The following EED variants were observed in gnomAD, a reference collection of about 807,000 sequenced individuals.
EED encodes the protein embryonic ectoderm development, also known as polycomb protein EED.
A neutral mutation model predicts 61.0 loss-of-function variants in EED; 9 were observed. That is an observed-to-expected ratio of 0.15 (90% CI 0.09 to 0.26). The LOEUF (loss-of-function observed/expected upper bound fraction) is 0.26. Ranked by LOEUF, EED falls within the 10% of genes least tolerant of loss-of-function variation. The pLI is 1.00. For synonymous variants in EED, 187 were observed against 174.4 expected (o/e 1.07, Z -0.57); for missense variants, 315 against 542.3 (o/e 0.58, Z 4.16).
intron 3 of EED, among the ~76,000 whole-genome samples, chr11:86,253,337 C>A (rs1363740120): frequency 6.6e-6 from 1 of 152,126 alleles, no homozygotes; most frequent in Non-Finnish European, 1.5e-5. Context: ...GAATGTAGTG[C>A]ATTAATTAAA....
chr11:86,253,683 G>C (rs1945592468), intron 3 of EED, among the ~76,000 whole-genome samples: 1 of 152,098 alleles, frequency 6.6e-6, no homozygotes. Flanking sequence ...TGATACACAG[G>C]ATCTTCAGAG....
At chr11:86,264,436 A>C in intron 7 of EED, 173 bp downstream of exon 7, 1 of 424,114 alleles carries the variant, frequency 2.4e-6, no homozygotes, top group Non-Finnish European at 4.2e-6. Flanking sequence ...ACAAGTAAAG[A>C]CTATATTTAT....
At chr11:86,284,570 CTT>C in the EED span, 2 of 152,302 alleles carry the variant, frequency 1.3e-5, no homozygotes, top group Non-Finnish European at 2.9e-5. Context: ...AAAGTATGCT[CTT>C]TGCCCCAAGG....
At chr11:86,256,056 G>T (rs184548334) in intron 4 of EED, among the ~76,000 whole-genome samples, 1 of 152,282 alleles carries the variant, frequency 6.6e-6, no homozygotes, top group East Asian at 1.9e-4. Flanking sequence ...GTGCAGGTTG[G>T]TCACCTGTTT....
intron 3 of EED, among the ~76,000 whole-genome samples, chr11:86,254,061 A>T (rs938479243): frequency 1.5e-5 from 2 of 137,126 alleles, no homozygotes; most frequent in African/African-American, 6.5e-5. Flanking sequence ...AAAAAAAAAA[A>T]AAAAAAAAAA....
chr11:86,272,929 C>A (rs1946150488), intron 9 of EED, among the ~76,000 whole-genome samples: 1 of 152,010 alleles, frequency 6.6e-6, no homozygotes, highest in African/African-American at 2.4e-5. Flanking sequence ...GAGTTTTTTC[C>A]CCCCTAACTT....
intron 9 of EED, among the ~76,000 whole-genome samples, chr11:86,274,444 T>A (rs1399677119): frequency 6.6e-6 from 1 of 152,190 alleles, no homozygotes; most frequent in African/African-American, 2.4e-5. Flanking sequence ...ACCTGGGTAT[T>A]TTGGGTATTA....
chr11:86,249,915 T>G (rs1565688115), intron 1 of EED, among the ~76,000 whole-genome samples: 1 of 152,186 alleles, frequency 6.6e-6, no homozygotes, highest in East Asian at 1.9e-4. Context: ...GAGTCACAGC[T>G]TTGGGATGGA....
downstream of EED, among the ~76,000 whole-genome samples, chr11:86,280,546 T>C (rs1286775936): frequency 1.3e-5 from 2 of 152,210 alleles, no homozygotes; most frequent in African/African-American, 2.4e-5. Flanking sequence ...TTAGAAGTTA[T>C]ATCAGGAAAT....
At chr11:86,275,499 T>C (rs1565705302) in intron 9 of EED, among the ~76,000 whole-genome samples, 1 of 152,208 alleles carries the variant, frequency 6.6e-6, no homozygotes, top group Non-Finnish European at 1.5e-5. Context: ...AATTGGTAGT[T>C]CTAAAAAGCT....
intron 9 of EED, among the ~76,000 whole-genome samples, chr11:86,269,104 A>G (rs1013807326): frequency 2.8e-4 from 43 of 152,336 alleles, no homozygotes; most frequent in Admixed American, 2.7e-3. Context: ...AGCCCAGCCT[A>G]TCTTAAATGT....
At chr11:86,268,593 T>TTGTGTG (rs780907378) in intron 9 of EED, 32 bp downstream of exon 9, 9 of 944,574 alleles carry the variant, frequency 9.5e-6, no homozygotes, top group South Asian at 1.5e-5. Context: ...TGTACTTCCA[T>TTGTGTG]CGTGTGTGTG....
intron 1 of EED, among the ~76,000 whole-genome samples, chr11:86,247,417 A>T (rs1317749340): frequency 6.6e-6 from 1 of 152,252 alleles, no homozygotes; most frequent in Admixed American, 6.5e-5. Context: ...GTCCTATACT[A>T]TATGTACTTT....
Position 86,277,932 on chromosome 11 carries a change from C to G in EED, c.1140C>G (p.Gly380=). 6.5e-7 allele frequency: 1 copy of G among 1,544,140 alleles called. No homozygotes were observed. The highest frequency in any genetic ancestry group is 8.7e-7 in the Non-Finnish European group (1 of 1,155,290). ...MDFWQKMLAL[G]NQVGKLYVWD... The stretch of plus-strand genomic sequence containing the variant: ...TGTTTATACAGATGCTTGCATTGGG[C>G]AATCAAGTTGGCAAACTTTATGTTT... Residue 380 remains glycine (G), a synonymous_variant, in exon 11 of 12, where the codon GGC becomes GGG. Coordinates refer to ENST00000263360, the MANE Select transcript of EED (RefSeq NM_003797.5).
chr11:86,275,967 C>T (rs1031722117), intron 9 of EED, among the ~76,000 whole-genome samples: 21 of 152,144 alleles, frequency 1.4e-4, no homozygotes, highest in African/African-American at 4.8e-4. Flanking sequence ...CCTGTGAACC[C>T]CACAGGGCTG....
At chr11:86,260,018 G>A (rs1945786376) in intron 6 of EED, among the ~76,000 whole-genome samples, 1 of 152,158 alleles carries the variant, frequency 6.6e-6, no homozygotes, top group Middle Eastern at 3.4e-3. Context: ...TGTGGGTGGG[G>A]GTGTACATAT....
intron 2 of EED, among the ~76,000 whole-genome samples, chr11:86,251,118 A>G (rs568534240): frequency 3.3e-5 from 5 of 152,250 alleles, no homozygotes; most frequent in Admixed American, 3.3e-4. Context: ...ATTATCTCAT[A>G]CATATGTAAG....
chr11:86,244,969 AGGGC>A lies in EED; in HGVS notation c.-260_-257del. The A allele has an allele frequency of 3.9e-5, 16 of 406,470 alleles. No individual in the cohort carries two copies. The highest frequency in any genetic ancestry group is 1.0e-4 in the South Asian group (3 of 29,274). The allele number at this position is 406,470 out of a possible 1,614,324, so 25.2% of individuals were successfully genotyped here. ...AGACTGCCGGGAGGGCGGCGGGAAA[AGGGC>A]AAGACGGGAGTTGGGGAAGGGAAGG... is the stretch of plus-strand genomic sequence containing the variant. On this transcript the variant is annotated 5_prime_UTR_variant, in exon 1 of 12. Transcript: ENST00000263360.
At chr11:86,286,410 G>C in the EED span, among the ~76,000 whole-genome samples, 7 of 152,264 alleles carry the variant, frequency 4.6e-5, no homozygotes, top group South Asian at 8.3e-4. Flanking sequence ...AGGAATAAGA[G>C]GTGGCTTTGA....
Sources: gnomAD v4.1 joint callset for allele counts (sites outside exome capture counted in the v4.1 genomes callset) on GRCh38, gnomAD v4.1.1 for gene constraint, MANE v1.5 for transcripts, NCBI Gene and HGNC (gene_info 2026-07-23, HGNC 2026-07-21) for gene names.